Variants in MYO5A observed in about 807,000 individuals in gnomAD.
MYO5A encodes myosin VA.
In MYO5A, 98 loss-of-function variants were observed where a neutral mutation model predicts 249.7. The observed-to-expected ratio is 0.39, with a 90% CI of 0.33 to 0.46. MYO5A has a LOEUF of 0.46. MYO5A is among the 20% of genes least tolerant of loss of function. The pLI is 0.98. For missense variants in MYO5A, 1,696 were observed against 2,308.8 expected (o/e 0.73, Z 5.44); for synonymous variants, 778 against 810.6 (o/e 0.96, Z 0.68).
At chr15:52,421,772 T>A (rs1051612508) in intron 4 of MYO5A, among the ~76,000 whole-genome samples, 1 of 152,204 alleles carries the variant, frequency 6.6e-6, no homozygotes, top group African/African-American at 2.4e-5. Flanking sequence ...AGCTAGATCA[T>A]CAGTGACACT....
intron 1 of MYO5A, among the ~76,000 whole-genome samples, chr15:52,478,331 A>G (rs978506599): frequency 6.6e-6 from 1 of 152,128 alleles, no homozygotes; most frequent in Non-Finnish European, 1.5e-5. Flanking sequence ...TTGGCTAGGA[A>G]AGGGAATTCC....
chr15:52,376,575 T>C lies in MYO5A; in HGVS notation c.2209-17A>G. On this transcript the variant is annotated splice_polypyrimidine_tract_variant and intron_variant, in intron 18 of 41. Transcript: ENST00000399233. Reference sequence around the variant, plus strand: ...GTCCTTGTCCTATTTTTGGAAGAAATTGTATATTCAGAAATAATAATCATA... The same window carrying C: ...GTCCTTGTCCTATTTTTGGAAGAAACTGTATATTCAGAAATAATAATCATA... 7 of 1,601,140 alleles carry C rather than the reference T, an allele frequency of 4.4e-6. No individual in the cohort carries two copies. The highest frequency in any genetic ancestry group is 5.1e-6 in the Non-Finnish European group (6 of 1,168,398).
chr15:52,459,030 C>G (rs904558783), intron 1 of MYO5A, among the ~76,000 whole-genome samples: 2 of 151,398 alleles, frequency 1.3e-5, no homozygotes, highest in Admixed American at 6.6e-5. Context: ...GAAGGGGTCT[C>G]GCTCTGTTGC....
chr15:52,383,151 T>C lies in MYO5A; in HGVS notation c.1952A>G (p.Asn651Ser), dbSNP rs780989166. The C allele has an allele frequency of 8.7e-6, 14 of 1,614,062 alleles. No individual in the cohort carries two copies. The Admixed American group carries it at 2.0e-4, about 23-fold the overall frequency. ...NSLHLLMETL[N>S]ATTPHYVRCI... ...GCGCACATAGTGAGGGGTAGTGGCA[T>C]TGAGTGTCTCCATAAGCAGGTGCAG... Residue 651 changes from asparagine to serine, a missense_variant, in exon 16 of 42, where the codon AAT becomes AGT. By Grantham distance (46) the Asn-to-Ser change is conservative. This residue lies in a region of MYO5A where 277 missense variants were observed against 422.4 expected (regional missense o/e 0.66). Transcript: ENST00000399233.
chr15:52,335,499 G>C (rs1310921871), intron 34 of MYO5A, among the ~76,000 whole-genome samples: 2 of 115,944 alleles, frequency 1.7e-5, no homozygotes, highest in African/African-American at 6.6e-5. Flanking sequence ...CTCAGCGACA[G>C]AGCAAGACTC....
chr15:52,339,807 G>T (rs1252837663), intron 32 of MYO5A, among the ~76,000 whole-genome samples: 1 of 152,146 alleles, frequency 6.6e-6, no homozygotes, highest in African/African-American at 2.4e-5. Context: ...TGGCCTCAGT[G>T]GCTGCTTGGG....
intron 1 of MYO5A, among the ~76,000 whole-genome samples, chr15:52,503,093 A>G (rs55914546): frequency 0.15 from 22,696 of 152,160 alleles, 1,810 homozygotes; most frequent in Middle Eastern, 0.22. Context: ...ACAGTTTGAT[A>G]GAAGAAATAA....
intron 30 of MYO5A, among the ~76,000 whole-genome samples, chr15:52,345,584 CA>C (rs71923501): frequency 0.098 from 9,010 of 92,410 alleles, 692 homozygotes; most frequent in African/African-American, 0.25. Context: ...AACTCCATTT[CA>C]AAAAAAAAAA....
intron 3 of MYO5A, 68 bp from the exon 4 acceptor site, chr15:52,426,042 A>C (rs555960997): frequency 7.4e-7 from 1 of 1,352,972 alleles, no homozygotes; most frequent in African/African-American, 1.4e-5. Flanking sequence ...TATCAAACTT[A>C]GTAAAGTGAG....
chr15:52,420,544 T>A (rs1467318138), intron 4 of MYO5A, among the ~76,000 whole-genome samples: 2 of 152,176 alleles, frequency 1.3e-5, no homozygotes, highest in South Asian at 2.1e-4. Flanking sequence ...CTTTCTTGCA[T>A]CCACAACAAT....
chr15:52,382,812 C>T (rs1285817391), intron 16 of MYO5A, among the ~76,000 whole-genome samples: 1 of 152,136 alleles, frequency 6.6e-6, no homozygotes, highest in Non-Finnish European at 1.5e-5. Flanking sequence ...CCAGAGAGAT[C>T]AATTGAAGTA....
At chr15:52,361,412 TC>T (rs1282704649) in intron 24 of MYO5A, among the ~76,000 whole-genome samples, 2 of 152,198 alleles carry the variant, frequency 1.3e-5, no homozygotes, top group Non-Finnish European at 2.9e-5. Context: ...CATATGTCTA[TC>T]ATTATACAAG....
chr15:52,315,738 G>A (rs922044943), intron 40 of MYO5A, among the ~76,000 whole-genome samples: 3 of 151,532 alleles, frequency 2.0e-5, no homozygotes, highest in South Asian at 4.2e-4. Flanking sequence ...TGCAACCTCC[G>A]TCTCCCAGGT....
chr15:52,482,341 G>A lies in MYO5A; in HGVS notation c.27+46439C>T, dbSNP rs578059141. Among the ~76,000 whole-genome samples the A allele has an allele frequency of 5.3e-5, 8 of 152,330 alleles. No individual in the cohort carries two copies. The South Asian group carries it at 1.2e-3, about 24-fold the overall frequency. ...GAAGGGAATAGAACTCATATTCCTG[G>A]TAGTTGTTTTTTGTGAGTGGGCTTG... On this transcript the variant is annotated intron_variant, in intron 1 of 41. Transcript: ENST00000399233.
intron 4 of MYO5A, among the ~76,000 whole-genome samples, chr15:52,419,271 A>T (rs2043673550): frequency 6.6e-6 from 1 of 152,216 alleles, no homozygotes; most frequent in African/African-American, 2.4e-5. Context: ...AACCAATCTA[A>T]TTGTTTCTCC....
At position 52,391,840 on chromosome 15, in the gene MYO5A, A is replaced by G. The variant is rs149188159; in HGVS notation, c.1542+90T>C. ...TGTCACCACGACGGCATTCCATGATATACTAATGAATCTCTCCTTGAACCC... is the reference window on the plus strand; with the variant it reads ...TGTCACCACGACGGCATTCCATGATGTACTAATGAATCTCTCCTTGAACCC... On this transcript the variant is annotated intron_variant, in intron 12 of 41. Transcript: ENST00000399233. 4.3e-4 allele frequency: 577 copies of G among 1,343,812 alleles called. 2 individuals carry two copies. The African/African-American group carries it at 7.3e-3, about 17-fold the overall frequency. The allele number at this position is 1,343,812 out of a possible 1,614,324, so 83.2% of individuals were successfully genotyped here. A position where few individuals can be genotyped will look rare whatever the true frequency, so the allele number is the denominator to read the frequency against.
intron 1 of MYO5A, among the ~76,000 whole-genome samples, chr15:52,494,918 A>G (rs2077008004): frequency 6.6e-6 from 1 of 152,208 alleles, no homozygotes; most frequent in Non-Finnish European, 1.5e-5. Flanking sequence ...TAGACTTTAC[A>G]ATAAATGTTA....
In MYO5A at chr15:52,405,302, G is replaced by T; in HGVS notation, c.1038C>A (p.Asp346Glu). The change falls in exon 9 of 42, where the codon GAC becomes GAA. Residue 346 changes from aspartate (D) to glutamate (E), a missense_variant. Around this residue, in one of 5 missense-constraint regions of MYO5A, gnomAD observed 185 missense variants for 204.8 expected, o/e 0.90. Transcript: ENST00000399233. ...GNVGFTSRDA[D>E]SCTIPPKHEP... ...CTGAACTTACAGGTATTGTGCAGCT[G>T]TCTGCATCTCGGGATGTAAATCCAA... is the stretch of plus-strand genomic sequence containing the variant. The T allele has an allele frequency of 6.2e-7, 1 of 1,611,544 alleles. No homozygotes were observed. The highest frequency in any genetic ancestry group is 8.5e-7 in the Non-Finnish European group (1 of 1,177,706).
At chr15:52,457,786 T>C (rs2076149365) in intron 1 of MYO5A, among the ~76,000 whole-genome samples, 1 of 152,178 alleles carries the variant, frequency 6.6e-6, no homozygotes. Context: ...AGGAAATCAG[T>C]ATGTCAAAAG....
Sources: gnomAD v4.1 joint callset for allele counts (sites outside exome capture counted in the v4.1 genomes callset) on GRCh38, gnomAD v4.1.1 for gene constraint, gnomAD v4.1.1 regional missense constraint, MANE v1.5 for transcripts, NCBI Gene and HGNC (gene_info 2026-07-23, HGNC 2026-07-21) for gene names.